Variants in PCDH15 observed in about 807,000 individuals in gnomAD.
PCDH15 encodes the protein protocadherin-15.
Under a neutral mutation model 178.5 loss-of-function variants are expected in PCDH15, and 129 were observed. The ratio of observed to expected loss-of-function variants is 0.72; its 90% CI spans 0.63 to 0.84. The LOEUF is 0.84. Among genes scored for constraint, PCDH15 ranks in the 40% least tolerant of loss-of-function variants. The pLI is 0.00. For missense variants in PCDH15, 2,230 were observed against 2,099.9 expected, an observed-to-expected ratio of 1.06 and a Z score of -1.21; for synonymous variants, 800 against 732.0, an observed-to-expected ratio of 1.09 and a Z score of -1.50.
chr10:54,335,859 G>A (rs1940988935), intron 6 of PCDH15, among the ~76,000 whole-genome samples: 1 of 152,176 alleles, frequency 6.6e-6, no homozygotes, highest in South Asian at 2.1e-4. Context: ...GCAGGCAGAG[G>A]TTGGAACAGT....
chr10:54,681,963 TG>T (rs2094908719), intron 1 of PCDH15, among the ~76,000 whole-genome samples: 1 of 152,090 alleles, frequency 6.6e-6, no homozygotes, highest in South Asian at 2.1e-4. Context: ...CCAGGATAGG[TG>T]GAAGTTTGCG....
intron 2 of PCDH15, among the ~76,000 whole-genome samples, chr10:55,464,303 C>T (rs572277900): frequency 1.3e-5 from 2 of 152,092 alleles, no homozygotes; most frequent in African/African-American, 2.4e-5. Flanking sequence ...AATACTGTTA[C>T]GACTAACCAT....
intron 3 of PCDH15, among the ~76,000 whole-genome samples, chr10:54,477,670 C>G (rs1271236656): frequency 6.6e-6 from 1 of 152,202 alleles, no homozygotes; most frequent in Non-Finnish European, 1.5e-5. Flanking sequence ...AATCTTGGCT[C>G]ACTGCAGCCT....
chr10:54,353,497 T>C (rs1003724539), intron 5 of PCDH15, among the ~76,000 whole-genome samples: 2 of 152,200 alleles, frequency 1.3e-5, no homozygotes, highest in Non-Finnish European at 2.9e-5. Context: ...ATAATATTTT[T>C]ATCACACTGT....
chr10:54,791,625 C>T (rs921314190), intron 1 of PCDH15, among the ~76,000 whole-genome samples: 2 of 151,916 alleles, frequency 1.3e-5, no homozygotes, highest in Non-Finnish European at 2.9e-5. Context: ...TTTCTAAGCT[C>T]ATGCTAATCT....
At chr10:53,987,294 T>C (rs2091173415) in intron 21 of PCDH15, among the ~76,000 whole-genome samples, 1 of 152,034 alleles carries the variant, frequency 6.6e-6, no homozygotes, top group Admixed American at 6.6e-5. Flanking sequence ...TAGTAGTCTT[T>C]CAAGTTTTCT....
chr10:54,443,489 CA>C, intron 3 of PCDH15, among the ~76,000 whole-genome samples: 1 of 149,888 alleles, frequency 6.7e-6, no homozygotes, highest in Non-Finnish European at 1.5e-5. Context: ...AATGTATCAA[CA>C]ACACAAAAAA....
intron 18 of PCDH15, among the ~76,000 whole-genome samples, chr10:54,029,226 T>A (rs984817820): frequency 3.3e-5 from 5 of 152,146 alleles, no homozygotes; most frequent in African/African-American, 1.2e-4. Flanking sequence ...AGCAGTACTG[T>A]CAAGAACTTT....
chr10:54,032,177 C>T (rs1027553820), intron 18 of PCDH15, among the ~76,000 whole-genome samples: 1 of 151,908 alleles, frequency 6.6e-6, no homozygotes, highest in African/African-American at 2.4e-5. Context: ...CATGCTATTT[C>T]ATGTCTGCTT....
chr10:55,113,149 A>T (rs183254059), intron 2 of PCDH15, among the ~76,000 whole-genome samples: 22 of 152,242 alleles, frequency 1.4e-4, no homozygotes, highest in Non-Finnish European at 2.9e-4. Flanking sequence ...TTTCCAAGCC[A>T]CTCAATTTTT....
chr10:54,777,358 T>C (rs985510643), intron 1 of PCDH15, among the ~76,000 whole-genome samples: 1 of 152,108 alleles, frequency 6.6e-6, no homozygotes, highest in Non-Finnish European at 1.5e-5. Context: ...TAAAAATGAG[T>C]TGACGTTTAG....
intron 1 of PCDH15, among the ~76,000 whole-genome samples, chr10:54,743,899 A>G (rs919406987): frequency 2.0e-5 from 3 of 152,112 alleles, no homozygotes; most frequent in Non-Finnish European, 4.4e-5. Context: ...TATACTTTGT[A>G]GGCAGTTTTC....
intron 2 of PCDH15, among the ~76,000 whole-genome samples, chr10:54,558,532 C>CA (rs1195642460): frequency 6.6e-6 from 1 of 152,072 alleles, no homozygotes; most frequent in Admixed American, 6.6e-5. Flanking sequence ...AATCCCCACA[C>CA]ACGTTAAGTA....
intron 1 of PCDH15, among the ~76,000 whole-genome samples, chr10:55,250,871 T>C (rs1157666791): frequency 2.6e-5 from 4 of 152,142 alleles, no homozygotes; most frequent in Admixed American, 6.5e-5. Context: ...CTATATGTTC[T>C]TTTTGCTTTC....
At chr10:54,781,779 A>C (rs1314803179) in intron 1 of PCDH15, among the ~76,000 whole-genome samples, 1 of 152,168 alleles carries the variant, frequency 6.6e-6, no homozygotes, top group Non-Finnish European at 1.5e-5. Context: ...CTTCCTCTAA[A>C]CACATTCTTT....
At chr10:55,334,995 G>GAA (rs940534076) in intron 2 of PCDH15, among the ~76,000 whole-genome samples, 1 of 152,156 alleles carries the variant, frequency 6.6e-6, no homozygotes, top group African/African-American at 2.4e-5. Flanking sequence ...ATAACTGACT[G>GAA]AAATAAAGAT....
rs1842230135 is a variant in PCDH15 at position 55,088,398 on chromosome 10, A to T, written c.-80+78178T>A. On this transcript the variant is annotated intron_variant, in intron 2 of 5. Transcript: ENST00000458638. ...ATTCTCCTGCCTCAGCCTCCCCAGT[A>T]GCTGGGACTACAGTTGTGCGCCACC... Among the ~76,000 whole-genome samples the T allele has an allele frequency of 2.0e-5, 3 of 151,864 alleles. No homozygotes were observed. In the South Asian group the frequency reaches 6.2e-4, roughly 32 times the overall value.
At chr10:55,350,955 C>T (rs986650194) in intron 2 of PCDH15, among the ~76,000 whole-genome samples, 3 of 147,436 alleles carry the variant, frequency 2.0e-5, no homozygotes, top group African/African-American at 7.4e-5. Context: ...TTTATTATTT[C>T]TTCTTCTTCT....
At chr10:54,585,235 T>C (rs996431197) in intron 2 of PCDH15, among the ~76,000 whole-genome samples, 11 of 152,086 alleles carry the variant, frequency 7.2e-5, no homozygotes, top group Middle Eastern at 3.2e-3. Flanking sequence ...ACAACCTTAA[T>C]TGGAATATCT....
Sources: gnomAD v4.1 joint callset for allele counts (sites outside exome capture counted in the v4.1 genomes callset) on GRCh38, gnomAD v4.1.1 for gene constraint, MANE v1.5 for transcripts, NCBI Gene and HGNC (gene_info 2026-07-23, HGNC 2026-07-21) for gene names.